ST6GAL2: variants seen among roughly 807,000 people sequenced by gnomAD.
ST6GAL2 encodes beta-galactoside alpha-2,6-sialyltransferase 2.
Under a neutral mutation model 37.5 loss-of-function variants are expected in ST6GAL2, and 24 were observed. The ratio of observed to expected loss-of-function variants is 0.64; its 90% CI spans 0.46 to 0.90. ST6GAL2 has a LOEUF of 0.90. Among genes scored for constraint, ST6GAL2 ranks in the 40% least tolerant of loss-of-function variants. The pLI, the probability that ST6GAL2 is intolerant of heterozygous loss-of-function variation, is 0.00. For missense variants in ST6GAL2, 715 were observed against 712.7 expected (o/e 1.00, Z -0.04); for synonymous variants, 306 against 295.1 (o/e 1.04, Z -0.38).
chr2:106,836,643 A>G (rs1295842629), intron 2 of ST6GAL2, among the ~76,000 whole-genome samples: 1 of 151,702 alleles, frequency 6.6e-6, no homozygotes, highest in Non-Finnish European at 1.5e-5. Flanking sequence ...GAGTTGAAAC[A>G]CTGGCTGGGC....
At chr2:106,808,607 A>C (rs943874750) in intron 5 of ST6GAL2, among the ~76,000 whole-genome samples, 1 of 152,080 alleles carries the variant, frequency 6.6e-6, no homozygotes, top group Non-Finnish European at 1.5e-5. Context: ...GGTGGCACCA[A>C]TTGAGGAAAA....
chr2:106,877,876 G>C (rs1019723085), intron 1 of ST6GAL2, among the ~76,000 whole-genome samples: 2 of 152,218 alleles, frequency 1.3e-5, no homozygotes, highest in Admixed American at 1.3e-4. Flanking sequence ...TTTCAGTTCA[G>C]TGAGGAACAG....
upstream of ST6GAL2, among the ~76,000 whole-genome samples, chr2:106,886,819 C>T (rs1474415793): frequency 6.6e-6 from 1 of 151,958 alleles, no homozygotes; most frequent in African/African-American, 2.4e-5. Context: ...CGAGCGCAGG[C>T]GGGGCGCTCC....
rs1376149664 is a variant in ST6GAL2, at chr2:106,830,124, A to T, written c.1260T>A (p.Ile420=). The T allele has an allele frequency of 1.9e-6, 3 of 1,613,934 alleles. No individual in the cohort carries two copies. The highest frequency in any genetic ancestry group is 2.5e-6 in the Non-Finnish European group (3 of 1,179,982). The change falls in exon 5 of 6, where the codon ATT becomes ATA. Residue 420 remains isoleucine (I), a synonymous_variant. Coordinates refer to ENST00000409382, the MANE Select transcript of ST6GAL2 (RefSeq NM_001142351.2). ...TCTTCTCTTTAGTGTTCTCCTGGAT[A>T]ATATCCCAGAGCTGCCATATAAATT... ...HPKFIWQLWD[I]IQENTKEKIQ... is the part of the protein sequence containing the mutation.
chr2:106,814,937 G>GGCT (rs1485690582), intron 5 of ST6GAL2, among the ~76,000 whole-genome samples: 1 of 152,138 alleles, frequency 6.6e-6, no homozygotes, highest in East Asian at 1.9e-4. Context: ...GCTCCCAATG[G>GGCT]GCTGAGTGTA....
chr2:106,823,659 A>C (rs184176514), intron 5 of ST6GAL2, among the ~76,000 whole-genome samples: 1 of 152,306 alleles, frequency 6.6e-6, no homozygotes, highest in Non-Finnish European at 1.5e-5. Flanking sequence ...TGTTGGCTGA[A>C]TGTCTTATTC....
intron 1 of ST6GAL2, among the ~76,000 whole-genome samples, chr2:106,854,757 C>G (rs1677505983): frequency 6.6e-6 from 1 of 151,950 alleles, no homozygotes; most frequent in South Asian, 2.1e-4. Context: ...ATTAGTGTAC[C>G]CATCATTAAG....
chr2:106,876,078 T>TA, intron 1 of ST6GAL2, among the ~76,000 whole-genome samples: 1 of 152,312 alleles, frequency 6.6e-6, no homozygotes, highest in Admixed American at 6.5e-5. Flanking sequence ...GAGATCCTCC[T>TA]GCCTTAACCT....
At chr2:106,824,362 G>A (rs1676120978) in intron 5 of ST6GAL2, among the ~76,000 whole-genome samples, 1 of 152,212 alleles carries the variant, frequency 6.6e-6, no homozygotes, top group Admixed American at 6.5e-5. Flanking sequence ...GCCAGGCAAG[G>A]TGACTCATGC....
intron 1 of ST6GAL2, among the ~76,000 whole-genome samples, chr2:106,864,431 A>G (rs1488502841): frequency 6.6e-6 from 1 of 152,236 alleles, no homozygotes; most frequent in Non-Finnish European, 1.5e-5. Context: ...AAATACTTGA[A>G]TGAAAGACAG....
intron 1 of ST6GAL2, among the ~76,000 whole-genome samples, chr2:106,869,752 T>C (rs559927691): frequency 7.9e-5 from 12 of 152,200 alleles, no homozygotes; most frequent in Non-Finnish European, 1.5e-4. Flanking sequence ...CCAAGTCTAA[T>C]GTTTAAGCCT....
At chr2:106,873,911 G>A (rs762726044) in intron 1 of ST6GAL2, among the ~76,000 whole-genome samples, 1 of 152,188 alleles carries the variant, frequency 6.6e-6, no homozygotes, top group Admixed American at 6.5e-5. Context: ...TAGAATTTGA[G>A]GAGCTCTATT....
rs376233749 is a variant in ST6GAL2, at chr2:106,861,873, C to G, written c.-57-17839G>C. ...TCTTGAACTCCTGACCTCAAGTGAT[C>G]TGCCCGCCTTTGGCCTCCCAAAGCA... On this transcript the variant is annotated intron_variant, in intron 1 of 5. Coordinates refer to ENST00000409382, the MANE Select transcript of ST6GAL2 (RefSeq NM_001142351.2). Among the ~76,000 whole-genome samples, 28 of 152,292 alleles carry G rather than the reference C, an allele frequency of 1.8e-4. 1 individual carries two copies. The East Asian group carries it at 4.8e-3, about 26-fold the overall frequency.
chr2:106,815,779 C>G (rs1032351608), intron 5 of ST6GAL2, among the ~76,000 whole-genome samples: 1 of 152,176 alleles, frequency 6.6e-6, no homozygotes, highest in Non-Finnish European at 1.5e-5. Flanking sequence ...AGACTTGATT[C>G]TGGTCTCTGT....
chr2:106,876,865 G>C (rs577172370), intron 1 of ST6GAL2, among the ~76,000 whole-genome samples: 1 of 152,238 alleles, frequency 6.6e-6, no homozygotes, highest in African/African-American at 2.4e-5. Flanking sequence ...GAGGTAGCAG[G>C]CGCCACAGCT....
Position 106,801,949 on chromosome 2 carries a change from A to T in ST6GAL2, c.*4729T>A, listed in dbSNP as rs547794490. ...TGTTTCCAATCTACCTAGCAAGAAG[A>T]CTATTTTCCATAGAACCAGTAAATG... On this transcript the variant is annotated 3_prime_UTR_variant, in exon 6 of 6. Coordinates refer to ENST00000409382, the MANE Select transcript of ST6GAL2 (RefSeq NM_001142351.2). The T allele has an allele frequency of 1.3e-5, 2 of 152,356 alleles. No individual in the cohort carries two copies. Among genetic ancestry groups the T allele is most frequent in the East Asian group, 1.9e-4 (1 of 5,186 alleles). The allele number at this position is 152,356 out of a possible 1,614,324, so 9.4% of individuals were successfully genotyped here.
At chr2:106,886,211 C>A (rs1007236563), upstream of ST6GAL2, 1 of 152,292 alleles carries the variant, frequency 6.6e-6, no homozygotes, top group Non-Finnish European at 1.5e-5. Context: ...CCGGCAGCCG[C>A]TCGGGTGCGC....
At chr2:106,813,654 T>A (rs1675693629) in intron 5 of ST6GAL2, among the ~76,000 whole-genome samples, 1 of 152,208 alleles carries the variant, frequency 6.6e-6, no homozygotes, top group Non-Finnish European at 1.5e-5. Flanking sequence ...ACATCCCAAA[T>A]CATTGAGAAA....
chr2:106,844,967 C>G (rs11682184), intron 1 of ST6GAL2, among the ~76,000 whole-genome samples: 91,486 of 152,048 alleles, frequency 0.6, 28,986 homozygotes, highest in Non-Finnish European at 0.73. Context: ...AAGAAATGCT[C>G]CTAACTTCAG....
Sources: gnomAD v4.1 joint callset for allele counts (sites outside exome capture counted in the v4.1 genomes callset) on GRCh38, gnomAD v4.1.1 for gene constraint, MANE v1.5 for transcripts, NCBI Gene and HGNC (gene_info 2026-07-23, HGNC 2026-07-21) for gene names.